FAM228B: variants seen among roughly 807,000 people sequenced by gnomAD.
FAM228B encodes protein FAM228B.
In FAM228B, 38 loss-of-function variants were observed where a neutral mutation model predicts 42.6. That is an observed-to-expected ratio of 0.89 (90% CI 0.69 to 1.17). The LOEUF (loss-of-function observed/expected upper bound fraction) is 1.17, where lower values mean the gene tolerates loss of function less well. FAM228B is among the 50% of genes most tolerant of loss of function. The probability of loss-of-function intolerance (pLI) is 0.00; values close to 1 mark genes in which losing one functional copy is unlikely to be tolerated. For synonymous variants in FAM228B, 109 were observed against 122.3 expected (o/e 0.89, Z 0.72); for missense variants, 344 against 367.3 (o/e 0.94, Z 0.52).
Position 24,158,196 on chromosome 2 carries a change from C to CTTTTTTTTTTTTTTTTTTTTTTTTTTTT in FAM228B, c.687-3293_687-3292insTTTTTTTTTTTTTTTTTTTTTTTTTTTT, listed in dbSNP as rs1322122366. Among the ~76,000 whole-genome samples the CTTTTTTTTTTTTTTTTTTTTTTTTTTTT allele has an allele frequency of 2.8e-4, 15 of 53,204 alleles. 6 individuals are homozygous for CTTTTTTTTTTTTTTTTTTTTTTTTTTTT. The highest frequency in any genetic ancestry group is 6.8e-4 in the Admixed American group (2 of 2,934). The allele number at this position is 53,204 out of a possible 152,430, so 34.9% of individuals were successfully genotyped here. On this transcript the variant is annotated intron_variant, in intron 7 of 10. Coordinates refer to ENST00000615575, the MANE Select transcript of FAM228B (RefSeq NM_001145710.2). ...ATGCTGGGCTTTCTCTCTGAACCTC[C>CTTTTTTTTTTTTTTTTTTTTTTTTTTTT]TTTTTTTTTTTTTTTTTCCAAAACA...
At chr2:24,156,544 G>T (rs898994026) in intron 7 of FAM228B, among the ~76,000 whole-genome samples, 1 of 152,148 alleles carries the variant, frequency 6.6e-6, no homozygotes, top group Non-Finnish European at 1.5e-5. Flanking sequence ...TGAGGCAGGA[G>T]AATCGCTTGA....
chr2:24,121,520 A>G (rs1395973710), upstream of FAM228B, among the ~76,000 whole-genome samples: 1 of 152,246 alleles, frequency 6.6e-6, no homozygotes, highest in African/African-American at 2.4e-5. Flanking sequence ...TTATTGGAAC[A>G]CAGTCACATT....
chr2:24,135,198 G>A lies in FAM228B; in HGVS notation c.168+11G>A, dbSNP rs780521695. 5.8e-6 allele frequency: 8 copies of A among 1,381,096 alleles called. No homozygotes were observed. The African/African-American group carries it at 1.2e-4, about 20-fold the overall frequency. The allele number at this position is 1,381,096 out of a possible 1,614,324, so 85.6% of individuals were successfully genotyped here. A position where few individuals can be genotyped will look rare whatever the true frequency, so the allele number is the denominator to read the frequency against. ...AATTCTGTAATTAAGGTAAGAATTG[G>A]CTACAAAATGCATCTCAGTTAAAAA... is the stretch of plus-strand genomic sequence containing the variant. On this transcript the variant is annotated intron_variant, in intron 3 of 10. Coordinates refer to ENST00000615575, the MANE Select transcript of FAM228B (RefSeq NM_001145710.2).
chr2:24,161,418 C>T, intron 7 of FAM228B, 88 bp from the exon 8 acceptor site: 1 of 796,440 alleles, frequency 1.3e-6, no homozygotes, highest in Non-Finnish European at 2.0e-6. Flanking sequence ...CACCACTGCA[C>T]CACAGCCTGA....
intron 3 of FAM228B, chr2:24,115,569 G>C: frequency 6.2e-7 from 1 of 1,607,400 alleles, no homozygotes; most frequent in Non-Finnish European, 8.5e-7. Flanking sequence ...TGTCTTTCAT[G>C]GGCCTCTGAT....
intron 7 of FAM228B, among the ~76,000 whole-genome samples, chr2:24,150,312 G>C (rs1158763875): frequency 1.3e-5 from 2 of 151,854 alleles, no homozygotes; most frequent in African/African-American, 4.8e-5. Context: ...CTCAGCTTTT[G>C]TTTGTCTGGA....
intron 2 of FAM228B, among the ~76,000 whole-genome samples, chr2:24,131,966 T>C (rs1220040954): frequency 6.6e-6 from 1 of 152,218 alleles, no homozygotes; most frequent in African/African-American, 2.4e-5. Context: ...GGCTGTGGGT[T>C]TGTCATAAAT....
chr2:24,121,050 C>T (rs1666099139), upstream of FAM228B: 1 of 1,398,700 alleles, frequency 7.1e-7, no homozygotes, highest in Non-Finnish European at 9.7e-7. Flanking sequence ...AAGACAATGG[C>T]TCAAGACATT....
chr2:24,128,321 T>A (rs1666365564), intron 2 of FAM228B, among the ~76,000 whole-genome samples: 1 of 152,172 alleles, frequency 6.6e-6, no homozygotes, highest in African/African-American at 2.4e-5. Context: ...ACTCCTGGCC[T>A]CAAGTGATCC....
chr2:24,094,311 A>C (rs1558368308), intron 2 of FAM228B, among the ~76,000 whole-genome samples: 1 of 152,002 alleles, frequency 6.6e-6, no homozygotes, highest in Non-Finnish European at 1.5e-5. Context: ...GGCTTAAGTG[A>C]TCTTCCTGCC....
chr2:24,126,871 G>A (rs1666322967), intron 2 of FAM228B, among the ~76,000 whole-genome samples: 2 of 152,092 alleles, frequency 1.3e-5, no homozygotes, highest in African/African-American at 4.8e-5. Flanking sequence ...TGATCTGCCC[G>A]CCTCGGCCTC....
At chr2:24,109,293 A>G (rs894008382) in intron 3 of FAM228B, among the ~76,000 whole-genome samples, 2 of 152,176 alleles carry the variant, frequency 1.3e-5, no homozygotes, top group Admixed American at 1.3e-4. Flanking sequence ...TACAAAATCA[A>G]CTCAAGATGG....
intron 2 of FAM228B, among the ~76,000 whole-genome samples, chr2:24,124,967 G>T (rs943616070): frequency 6.6e-6 from 1 of 152,194 alleles, no homozygotes; most frequent in African/African-American, 2.4e-5. Flanking sequence ...GTTCCAAAAT[G>T]CTGGGATTAT....
At chr2:24,160,331 C>G (rs909720630) in intron 7 of FAM228B, among the ~76,000 whole-genome samples, 38 of 152,012 alleles carry the variant, frequency 2.5e-4, no homozygotes, top group African/African-American at 8.9e-4. Flanking sequence ...GTTGTGCTTC[C>G]TGGATCTCTG....
At chr2:24,159,567 C>A (rs974908326) in intron 7 of FAM228B, among the ~76,000 whole-genome samples, 1 of 152,110 alleles carries the variant, frequency 6.6e-6, no homozygotes, top group Non-Finnish European at 1.5e-5. Flanking sequence ...TTGGGTACAT[C>A]CAAGAGGAAA....
At chr2:24,089,985 A>AC (rs1176187435) in intron 2 of FAM228B, among the ~76,000 whole-genome samples, 6 of 150,132 alleles carry the variant, frequency 4.0e-5, no homozygotes, top group African/African-American at 1.5e-4. Context: ...AGAAAAAAAA[A>AC]AAAAAACGCC....
chr2:24,079,174 C>T, intron 1 of FAM228B: 1 of 421,164 alleles, frequency 2.4e-6, no homozygotes, highest in Non-Finnish European at 4.3e-6. Context: ...GAAATACTTC[C>T]TAATATAGTC....
chr2:24,080,492 G>A lies in FAM228B; in HGVS notation c.-289-384G>A, dbSNP rs1664950383. On this transcript the variant is annotated intron_variant, in intron 1 of 10. Coordinates refer to the FAM228B transcript ENST00000613899. This position sits in a 1 kb window ranked among gnomAD's most constrained non-coding sequence, Gnocchi z 4.7. ...CCCTACCATGGCTGGCTCCAAACTGGTCTCTGCCTCCAAGCCTCCTGTTAA... is the reference window on the plus strand; with the variant it reads ...CCCTACCATGGCTGGCTCCAAACTGATCTCTGCCTCCAAGCCTCCTGTTAA... Among the ~76,000 whole-genome samples, 1 of 152,218 alleles carries A rather than the reference G, an allele frequency of 6.6e-6. No homozygotes were observed. The highest frequency in any genetic ancestry group is 1.5e-5 in the Non-Finnish European group (1 of 68,046).
At chr2:24,130,588 G>C (rs181383171) in intron 2 of FAM228B, among the ~76,000 whole-genome samples, 305 of 152,136 alleles carry the variant, frequency 2.0e-3, no homozygotes, top group Non-Finnish European at 1.1e-3. Context: ...TCATGTGTTT[G>C]TTGGCCATGT....
Sources: gnomAD v4.1 joint callset for allele counts (sites outside exome capture counted in the v4.1 genomes callset) on GRCh38, gnomAD v4.1.1 for gene constraint, Gnocchi (gnomAD v3.1) non-coding constraint, MANE v1.5 for transcripts, NCBI Gene and HGNC (gene_info 2026-07-23, HGNC 2026-07-21) for gene names.